Variants in BCL2 observed in about 807,000 individuals in gnomAD.
The protein encoded by BCL2 is BCL2 apoptosis regulator, also known as apoptosis regulator Bcl-2.
In BCL2, 1 loss-of-function variant was observed where a neutral mutation model predicts 14.2. The observed-to-expected ratio is 0.07, with a 90% CI of 0.02 to 0.33. The LOEUF is 0.33. Among genes scored for constraint, BCL2 ranks in the 10% least tolerant of loss-of-function variants. The pLI is 0.99. For missense variants in BCL2, 247 were observed against 305.9 expected (o/e 0.81, Z 1.44); for synonymous variants, 151 against 137.2 (o/e 1.10, Z -0.70).
In BCL2 at chr18:63,274,901, G is replaced by A. The variant is rs541260487; in HGVS notation, c.585+43181C>T. 2.6e-5 allele frequency among the ~76,000 whole-genome samples: 4 copies of A among 152,200 alleles called. No individual in the cohort carries two copies. The South Asian group carries it at 8.3e-4, about 32-fold the overall frequency. Reference sequence around the variant, plus strand: ...AAATTCTGAATCCAGCTATGCACACGCTGTAGAGTATAGTGCTGCTATTAC... The same window carrying A: ...AAATTCTGAATCCAGCTATGCACACACTGTAGAGTATAGTGCTGCTATTAC... On this transcript the variant is annotated intron_variant, in intron 2 of 2. Coordinates refer to ENST00000333681, the MANE Select transcript of BCL2 (RefSeq NM_000633.3).
In BCL2 at chr18:63,124,876, A is replaced by T; in HGVS notation, c.*3749T>A. On this transcript the variant is annotated 3_prime_UTR_variant, in exon 3 of 3. Coordinates refer to ENST00000333681, the MANE Select transcript of BCL2 (RefSeq NM_000633.3). ...TGTTTTTCTCTGATAGAGTAGGTGT[A>T]CATTACTAACTATAAGTGATAAGAA... The T allele has an allele frequency of 4.4e-6, 1 of 226,696 alleles. No homozygotes were observed. 14.0% of individuals were successfully genotyped at this position (226,696 alleles called of 1,614,324 possible). A position where few individuals can be genotyped will look rare whatever the true frequency, so the allele number is the denominator to read the frequency against.
At chr18:63,200,018 C>T (rs148653505) in intron 2 of BCL2, among the ~76,000 whole-genome samples, 86 of 152,238 alleles carry the variant, frequency 5.6e-4, no homozygotes, top group African/African-American at 1.8e-3. Flanking sequence ...AGGCTCAGCT[C>T]GTAACCTTAG....
chr18:63,169,367 T>TTCTTTCTTTCTTTCTTTCTC (rs1568222672), intron 2 of BCL2, among the ~76,000 whole-genome samples: 1 of 32,494 alleles, frequency 3.1e-5, no homozygotes, highest in Admixed American at 3.5e-4. Context: ...CTTTCTTTCT[T>TTCTTTCTTTCTTTCTTTCTC]TCTCTTTCTT....
At chr18:63,233,457 G>C (rs1231580361) in intron 2 of BCL2, among the ~76,000 whole-genome samples, 1 of 152,130 alleles carries the variant, frequency 6.6e-6, no homozygotes, top group African/African-American at 2.4e-5. Context: ...TTTAATAGAA[G>C]ACAGTTTTTC....
At chr18:63,216,676 G>A (rs919200478) in intron 2 of BCL2, among the ~76,000 whole-genome samples, 5 of 152,192 alleles carry the variant, frequency 3.3e-5, no homozygotes, top group African/African-American at 4.8e-5. Context: ...AGAAACCACA[G>A]AAGTGGAAGA....
intron 2 of BCL2, chr18:63,315,228 G>A (rs1222427624): frequency 1.3e-5 from 2 of 152,300 alleles, no homozygotes; most frequent in African/African-American, 4.8e-5. Flanking sequence ...ACACTGAGCA[G>A]CAAGGTATCC....
intron 2 of BCL2, among the ~76,000 whole-genome samples, chr18:63,242,224 G>A (rs148328470): frequency 6.6e-6 from 1 of 152,320 alleles, no homozygotes; most frequent in Non-Finnish European, 1.5e-5. Flanking sequence ...GAAAACAGAG[G>A]CTTGGAAATG....
At chr18:63,251,259 G>A (rs1000420739) in intron 2 of BCL2, among the ~76,000 whole-genome samples, 7 of 152,120 alleles carry the variant, frequency 4.6e-5, no homozygotes, top group African/African-American at 9.7e-5. Context: ...TTATTATGCA[G>A]AGAAAGTCTC....
intron 2 of BCL2, among the ~76,000 whole-genome samples, chr18:63,169,961 T>C (rs983707772): frequency 7.9e-5 from 12 of 152,180 alleles, no homozygotes; most frequent in African/African-American, 2.7e-4. Context: ...CTTGCAACTG[T>C]AACAAGCAAA....
chr18:63,235,955 T>C (rs953407792), intron 2 of BCL2, among the ~76,000 whole-genome samples: 1 of 152,182 alleles, frequency 6.6e-6, no homozygotes, highest in Non-Finnish European at 1.5e-5. Context: ...GATGATATGA[T>C]TTGGCTGTGT....
chr18:63,272,856 G>GA (rs1266985601), intron 2 of BCL2, among the ~76,000 whole-genome samples: 90 of 152,058 alleles, frequency 5.9e-4, no homozygotes, highest in Non-Finnish European at 1.1e-3. Flanking sequence ...GACTCCTCTG[G>GA]TCTGAGGATA....
chr18:63,318,850 G>C lies in BCL2; in HGVS notation c.-184C>G, dbSNP rs1913600206. On this transcript the variant is annotated 5_prime_UTR_variant, in exon 2 of 3. Transcript: ENST00000333681. The surrounding 1 kb of genome is among the most constrained non-coding windows in gnomAD (Gnocchi z 7.4). Reference sequence around the variant, plus strand: ...GATTCTGGTGTTTCCCCCTTGGCATGAGATGCAGGAAATTTTTATTCCAAT... The same window carrying C: ...GATTCTGGTGTTTCCCCCTTGGCATCAGATGCAGGAAATTTTTATTCCAAT... The C allele has an allele frequency of 1.4e-6, 2 of 1,398,956 alleles. No individual in the cohort carries two copies. The highest frequency in any genetic ancestry group is 9.3e-7 in the Non-Finnish European group (1 of 1,075,102). The allele number at this position is 1,398,956 out of a possible 1,614,324, so 86.7% of individuals were successfully genotyped here. A position where few individuals can be genotyped will look rare whatever the true frequency, so the allele number is the denominator to read the frequency against.
chr18:63,243,662 C>G lies in BCL2; in HGVS notation c.585+74420G>C, dbSNP rs191556352. Among the ~76,000 whole-genome samples the G allele has an allele frequency of 3.1e-3, 478 of 152,296 alleles. 4 individuals carry two copies. Among genetic ancestry groups the G allele is most frequent in the Admixed American group, 9.4e-3 (143 of 15,294 alleles). On this transcript the variant is annotated intron_variant, in intron 2 of 2. Transcript: ENST00000333681. ...CTCTCCTGCTCCCACTCCGGGAAAT[C>G]GAGCATGGGAATCTATGGAGAACAC...
intron 2 of BCL2, chr18:63,317,283 G>A (rs1189003799): frequency 6.4e-6 from 1 of 157,222 alleles, no homozygotes; most frequent in African/African-American, 2.4e-5. Flanking sequence ...TCTGAGTGGT[G>A]AAAAACAAAA....
chr18:63,254,644 C>T (rs369020034), intron 2 of BCL2, among the ~76,000 whole-genome samples: 1 of 151,966 alleles, frequency 6.6e-6, no homozygotes, highest in Non-Finnish European at 1.5e-5. Flanking sequence ...TATAGCCCAA[C>T]GTTATTTGAA....
chr18:63,150,163 G>A (rs1914618757), intron 2 of BCL2, among the ~76,000 whole-genome samples: 1 of 152,318 alleles, frequency 6.6e-6, no homozygotes. Context: ...GATTACAGGC[G>A]TGAGCCACCG....
intron 2 of BCL2, among the ~76,000 whole-genome samples, chr18:63,195,565 C>A (rs1331622861): frequency 6.6e-6 from 1 of 152,122 alleles, no homozygotes; most frequent in Non-Finnish European, 1.5e-5. Context: ...AATTAAAGAC[C>A]TGGAGAGGAC....
chr18:63,242,929 G>A lies in BCL2; in HGVS notation c.585+75153C>T, dbSNP rs145012673. ...GAGAGGCGCTGGAATATTGTGAAAT[G>A]CCCCAAAAAGTTGTTTACAGTAATT... On this transcript the variant is annotated intron_variant, in intron 2 of 2. Transcript: ENST00000333681. Among the ~76,000 whole-genome samples, 763 of 152,266 alleles carry A rather than the reference G, an allele frequency of 5.0e-3. 6 individuals carry two copies. Among genetic ancestry groups the A allele is most frequent in the African/African-American group, 0.017 (717 of 41,542 alleles).
intron 2 of BCL2, among the ~76,000 whole-genome samples, chr18:63,299,760 G>A (rs1912904640): frequency 6.6e-6 from 1 of 150,556 alleles, no homozygotes; most frequent in South Asian, 2.1e-4. Flanking sequence ...TTTGCATATG[G>A]TACCCTTTCA....
Sources: gnomAD v4.1 joint callset for allele counts (sites outside exome capture counted in the v4.1 genomes callset) on GRCh38, gnomAD v4.1.1 for gene constraint, Gnocchi (gnomAD v3.1) non-coding constraint, MANE v1.5 for transcripts, NCBI Gene and HGNC (gene_info 2026-07-23, HGNC 2026-07-21) for gene names.